LRRN3: variants seen among roughly 807,000 people sequenced by gnomAD.
LRRN3 encodes leucine-rich repeat neuronal protein 3.
Under a neutral mutation model 40.1 loss-of-function variants are expected in LRRN3, and 15 were observed. The observed-to-expected ratio is 0.37, with a 90% CI of 0.25 to 0.58. The LOEUF is 0.58. Among genes scored for constraint, LRRN3 ranks in the 20% least tolerant of loss-of-function variants. The probability of loss-of-function intolerance (pLI) is 0.72; values close to 1 mark genes in which losing one functional copy is unlikely to be tolerated. For synonymous variants in LRRN3, 308 were observed against 297.2 expected, an observed-to-expected ratio of 1.04 and a Z score of -0.37; for missense variants, 746 against 837.7, an observed-to-expected ratio of 0.89 and a Z score of 1.35.
At chr7:111,113,545 C>T (rs2129584505) in intron 2 of LRRN3, among the ~76,000 whole-genome samples, 1 of 152,006 alleles carries the variant, frequency 6.6e-6, no homozygotes, top group South Asian at 2.1e-4. Context: ...TTAACTATAC[C>T]AGGGAGATGG....
chr7:111,099,308 T>C (rs1282050560), intron 1 of LRRN3, among the ~76,000 whole-genome samples: 1 of 151,714 alleles, frequency 6.6e-6, no homozygotes, highest in African/African-American at 2.4e-5. Flanking sequence ...CTCTTTTAAA[T>C]GATGAAGATG....
intron 2 of LRRN3, among the ~76,000 whole-genome samples, chr7:111,116,340 A>G (rs1363136133): frequency 6.6e-6 from 1 of 152,156 alleles, no homozygotes; most frequent in East Asian, 1.9e-4. Context: ...TATTTCTATA[A>G]TGATAATAAG....
intron 1 of LRRN3, among the ~76,000 whole-genome samples, chr7:111,095,675 T>TC (rs1241673795): frequency 1.3e-5 from 2 of 152,020 alleles, no homozygotes; most frequent in African/African-American, 4.8e-5. Context: ...CTACAGAGAC[T>TC]CAGCTATTGA....
In LRRN3 at chr7:111,122,545, T is replaced by C. The variant is rs964652399; in HGVS notation, c.-228T>C. ...ACCTTCAAAAAGTACATCAATATTA[T>C]ATCATTAAGGAAATAGTAACCTTCT... On this transcript the variant is annotated 5_prime_UTR_variant, in exon 3 of 3. Transcript: ENST00000308478. 2.3e-5 allele frequency: 12 copies of C among 520,588 alleles called. No homozygotes were observed. Among genetic ancestry groups the C allele is most frequent in the Middle Eastern group, 4.8e-4 (1 of 2,088 alleles). 32.2% of individuals were successfully genotyped at this position (520,588 alleles called of 1,614,324 possible). A position where few individuals can be genotyped will look rare whatever the true frequency, so the allele number is the denominator to read the frequency against.
At position 111,124,405 on chromosome 7, in the gene LRRN3, T is replaced by C. The variant is rs1374088252; in HGVS notation, c.1633T>C (p.Ser545Pro). ...AGTTTTGGTGTCCTGGAAAGCAAGT[T>C]CTAAAATTCTCAAATCTAGTGTTAA... is the stretch of plus-strand genomic sequence containing the variant. ...NSVLVSWKAS[S>P]KILKSSVKWT... is the part of the protein sequence containing the mutation. Residue 545 changes from serine (S) to proline (P), a missense_variant, in exon 3 of 3, where the codon TCT becomes CCT. Coordinates refer to ENST00000308478, the MANE Select transcript of LRRN3 (RefSeq NM_001099658.2). 6.2e-7 allele frequency: 1 copy of C among 1,613,768 alleles called. No homozygotes were observed. Among genetic ancestry groups the C allele is most frequent in the Non-Finnish European group, 8.5e-7 (1 of 1,179,950 alleles).
In LRRN3 at chr7:111,123,235, A is replaced by G. The variant is rs1563268613; in HGVS notation, c.463A>G (p.Ile155Val). The change falls in exon 3 of 3, where the codon ATT (isoleucine) becomes GTT (valine). Residue 155 changes from isoleucine (I) to valine (V), a missense_variant. Transcript: ENST00000308478. This position sits in a 1 kb window ranked among gnomAD's most constrained non-coding sequence, Gnocchi z 6.4. The part of the protein sequence containing the change: ...LYINHNLLST[I>V]SPGAFIGLHN... ...TATTAATCACAACTTGCTTTCTACA[A>G]TTTCACCTGGAGCCTTTATTGGCCT... 4.3e-6 allele frequency: 7 copies of G among 1,613,840 alleles called. No individual in the cohort carries two copies. Among genetic ancestry groups the G allele is most frequent in the South Asian group, 3.3e-5 (3 of 91,068 alleles).
intron 2 of LRRN3, among the ~76,000 whole-genome samples, chr7:111,113,741 C>A (rs918773501): frequency 6.6e-6 from 1 of 152,066 alleles, no homozygotes; most frequent in African/African-American, 2.4e-5. Flanking sequence ...CATTGTACTG[C>A]AAGGCACAAT....
intron 2 of LRRN3, among the ~76,000 whole-genome samples, chr7:111,121,262 T>TGTCA (rs1800579240): frequency 6.6e-6 from 1 of 152,228 alleles, no homozygotes; most frequent in African/African-American, 2.4e-5. Context: ...ATTAGCTGTC[T>TGTCA]GTCAGATGAG....
In LRRN3 at chr7:111,095,371, TC is replaced by T. The variant is rs1330187752; in HGVS notation, c.-441+3869del. Among the ~76,000 whole-genome samples the T allele has an allele frequency of 5.3e-5, 8 of 151,956 alleles. No individual in the cohort carries two copies. In the East Asian group the frequency reaches 1.5e-3, roughly 29 times the overall value. On this transcript the variant is annotated intron_variant, in intron 1 of 2. Transcript: ENST00000308478. ...TCCAGAATTCCATTAAAATTCTGCC[TC>T]CTTGGTCTTTCAAAAATAATGTTTT...
intron 2 of LRRN3, among the ~76,000 whole-genome samples, chr7:111,110,083 T>C (rs1456280271): frequency 6.6e-6 from 1 of 152,134 alleles, no homozygotes; most frequent in African/African-American, 2.4e-5. Flanking sequence ...TGCAGTAAGC[T>C]GAGATCACGC....
At chr7:111,115,098 G>C (rs1232009588) in intron 2 of LRRN3, among the ~76,000 whole-genome samples, 1 of 152,076 alleles carries the variant, frequency 6.6e-6, no homozygotes, top group African/African-American at 2.4e-5. Context: ...TTCCCAGAGA[G>C]ACCTACATTT....
chr7:111,103,474 G>C (rs541537630), intron 2 of LRRN3, among the ~76,000 whole-genome samples: 1 of 151,614 alleles, frequency 6.6e-6, no homozygotes, highest in African/African-American at 2.4e-5. Context: ...GGTAAATAGC[G>C]TGATACATTT....
chr7:111,114,450 T>C (rs1285160345), intron 2 of LRRN3, among the ~76,000 whole-genome samples: 1 of 151,976 alleles, frequency 6.6e-6, no homozygotes. Context: ...CACAAAGAAA[T>C]ATATTGGCTG....
chr7:111,108,812 C>T (rs989872221), intron 2 of LRRN3, among the ~76,000 whole-genome samples: 13 of 151,960 alleles, frequency 8.6e-5, no homozygotes, highest in African/African-American at 2.4e-4. Context: ...ATGAGTACCT[C>T]GTACAGCAAA....
intron 2 of LRRN3, among the ~76,000 whole-genome samples, chr7:111,118,128 T>G (rs1800117465): frequency 2.0e-5 from 3 of 152,120 alleles, no homozygotes; most frequent in Admixed American, 1.3e-4. Flanking sequence ...ACATTTTTAT[T>G]GTAAATCAAA....
intron 2 of LRRN3, among the ~76,000 whole-genome samples, chr7:111,104,611 C>G (rs1586292243): frequency 6.6e-6 from 1 of 151,606 alleles, no homozygotes; most frequent in Non-Finnish European, 1.5e-5. Flanking sequence ...ATCATTAATC[C>G]CCCTATCTAG....
chr7:111,096,507 T>TAA (rs1797410168), intron 1 of LRRN3, among the ~76,000 whole-genome samples: 4 of 43,042 alleles, frequency 9.3e-5, no homozygotes, highest in African/African-American at 2.3e-4. Flanking sequence ...TGAGTTAAAT[T>TAA]TAAAAAAAAA....
At position 111,124,112 on chromosome 7, in the gene LRRN3, C is replaced by T. The variant is rs781439609; in HGVS notation, c.1340C>T (p.Thr447Ile). The T allele has an allele frequency of 6.8e-6, 11 of 1,614,074 alleles. No homozygotes were observed. Among genetic ancestry groups the T allele is most frequent in the South Asian group, 2.2e-5 (2 of 91,084 alleles). ...GSYVSFHCRATAEPQPEIYWI... is the reference protein window; with the variant it reads ...GSYVSFHCRAIAEPQPEIYWI... ...TATGTTTCCTTTCACTGTAGAGCTACTGCAGAACCACAGCCTGAAATCTAC... is the reference window on the plus strand; with the variant it reads ...TATGTTTCCTTTCACTGTAGAGCTATTGCAGAACCACAGCCTGAAATCTAC... The change falls in exon 3 of 3, where the codon ACT becomes ATT. Residue 447 changes from threonine (T) to isoleucine (I), a missense_variant. Coordinates refer to ENST00000308478, the MANE Select transcript of LRRN3 (RefSeq NM_001099658.2).
In LRRN3 at chr7:111,124,877, G is replaced by A. The variant is rs1266453151; in HGVS notation, c.2105G>A (p.Gly702Asp). ...TSLKVKATVI[G>D]LPTNMS ...CTGAAAGTAAAAGCAACTGTTATAG[G>A]TTTACCAACAAATATGTCCTAAAAA... The change falls in exon 3 of 3, where the codon GGT (glycine) becomes GAT (aspartate). Residue 702 changes from glycine to aspartate, a missense_variant. Gly to Asp is a moderately conservative substitution (Grantham distance 94, BLOSUM62 -1). Transcript: ENST00000308478. 12 of 1,546,054 alleles carry A rather than the reference G, an allele frequency of 7.8e-6. No individual in the cohort carries two copies. Among genetic ancestry groups the A allele is most frequent in the Non-Finnish European group, 9.6e-6 (11 of 1,147,620 alleles).
Sources: gnomAD v4.1 joint callset for allele counts (sites outside exome capture counted in the v4.1 genomes callset) on GRCh38, gnomAD v4.1.1 for gene constraint, Gnocchi (gnomAD v3.1) non-coding constraint, MANE v1.5 for transcripts, NCBI Gene and HGNC (gene_info 2026-07-23, HGNC 2026-07-21) for gene names.